APBA1: variants seen among roughly 807,000 people sequenced by gnomAD.
APBA1 encodes amyloid beta precursor protein binding family A member 1, also known as amyloid-beta A4 precursor protein-binding family A member 1.
In APBA1, 55 loss-of-function variants were observed where a neutral mutation model predicts 86.6. That is an observed-to-expected ratio of 0.64 (90% CI 0.51 to 0.80). The LOEUF is 0.80. Ranked by LOEUF, APBA1 falls within the 30% of genes least tolerant of loss-of-function variation. The pLI is 0.00. For missense variants in APBA1, 1,090 were observed against 1,183.0 expected, an observed-to-expected ratio of 0.92 and a Z score of 1.15; for synonymous variants, 511 against 493.9, an observed-to-expected ratio of 1.03 and a Z score of -0.46.
rs745501677 is a variant in APBA1, at chr9:69,467,937, G to A, written c.1368C>T (p.Ile456=). ...AATTGGCGGCAAAAATGATTCCATC[G>A]ATCAAGTCTTCGGGGTCGCAGGGTC... ...VPGPCDPEDL[I]DGIIFAANYL... is the part of the protein sequence containing the mutation. Residue 456 remains isoleucine (I), a synonymous_variant, in exon 5 of 13, where the codon ATC becomes ATT. Transcript: ENST00000265381. The A allele has an allele frequency of 3.1e-5, 50 of 1,614,020 alleles. No homozygotes were observed. Among genetic ancestry groups the A allele is most frequent in the Non-Finnish European group, 3.8e-5 (45 of 1,180,030 alleles).
rs538898787 is a variant in APBA1, at chr9:69,641,948, C to T, written c.-70+30205G>A. ...GCAACTTCCGCCTCCCGGATTCAAC[C>T]GATTCTCCTGCTTCAGCCTCCCAAG... On this transcript the variant is annotated intron_variant, in intron 1 of 12. Transcript: ENST00000265381. Among the ~76,000 whole-genome samples, 542 of 152,254 alleles carry T rather than the reference C, an allele frequency of 3.6e-3. 6 individuals are homozygous for T. The highest frequency in any genetic ancestry group is 0.012 in the African/African-American group (517 of 41,556).
At chr9:69,492,128 G>T (rs1835723449) in intron 2 of APBA1, among the ~76,000 whole-genome samples, 1 of 152,076 alleles carries the variant, frequency 6.6e-6, no homozygotes, top group African/African-American at 2.4e-5. Context: ...TTCAGGATAG[G>T]GAGGTTATTA....
intron 1 of APBA1, among the ~76,000 whole-genome samples, chr9:69,593,844 T>C (rs1220054356): frequency 6.6e-6 from 1 of 152,176 alleles, no homozygotes; most frequent in Non-Finnish European, 1.5e-5. Flanking sequence ...CCCTGAAAGA[T>C]TTGTTATTTG....
chr9:69,568,465 T>A (rs568818799), intron 1 of APBA1, among the ~76,000 whole-genome samples: 11 of 152,334 alleles, frequency 7.2e-5, no homozygotes, highest in Admixed American at 2.0e-4. Flanking sequence ...ACAGCCAGAA[T>A]GCATGCATTA....
chr9:69,493,611 C>T (rs1835749098), intron 2 of APBA1, among the ~76,000 whole-genome samples: 2 of 152,086 alleles, frequency 1.3e-5, no homozygotes, highest in Non-Finnish European at 1.5e-5. Flanking sequence ...TTAATAAGCA[C>T]CACGAAGGCA....
chr9:69,521,571 A>C (rs139404903), intron 1 of APBA1, among the ~76,000 whole-genome samples: 100 of 152,288 alleles, frequency 6.6e-4, no homozygotes, highest in African/African-American at 2.4e-3. Context: ...GGCAGACAAT[A>C]ATTATGTAAG....
At chr9:69,461,856 A>G (rs1835196702) in intron 5 of APBA1, 1 of 152,196 alleles carries the variant, frequency 6.6e-6, no homozygotes, top group Non-Finnish European at 1.5e-5. Flanking sequence ...ATCCATTTTG[A>G]GGAGTAAATG....
chr9:69,609,557 C>CT (rs1409406602), intron 1 of APBA1, among the ~76,000 whole-genome samples: 3 of 152,174 alleles, frequency 2.0e-5, no homozygotes, highest in Non-Finnish European at 4.4e-5. Context: ...ATTCCCATTG[C>CT]AATGCCTAAT....
At position 69,619,605 on chromosome 9, in the gene APBA1, C is replaced by CA. The variant is rs1480362876; in HGVS notation, c.-70+52547dup. 5.3e-5 allele frequency among the ~76,000 whole-genome samples: 8 copies of CA among 152,290 alleles called. No homozygotes were observed. The East Asian group carries it at 9.7e-4, about 18-fold the overall frequency. On this transcript the variant is annotated intron_variant, in intron 1 of 12. Transcript: ENST00000265381. ...TATTACCATTGTCTCAAAGAGCACA[C>CA]AAAAAATCAGTTATTCAGACACAGG... is the stretch of plus-strand genomic sequence containing the variant.
At chr9:69,442,788 T>C (rs1378993755) in intron 10 of APBA1, among the ~76,000 whole-genome samples, 1 of 152,170 alleles carries the variant, frequency 6.6e-6, no homozygotes, top group Admixed American at 6.5e-5. Flanking sequence ...CTACCAAATC[T>C]TTTTCAGTGC....
chr9:69,646,956 T>C (rs949318676), intron 1 of APBA1, among the ~76,000 whole-genome samples: 1 of 152,180 alleles, frequency 6.6e-6, no homozygotes, highest in Admixed American at 6.5e-5. Flanking sequence ...GGCTGCTGAA[T>C]GGATTTTCAA....
chr9:69,633,703 T>C (rs1241045879), intron 1 of APBA1, among the ~76,000 whole-genome samples: 2 of 152,188 alleles, frequency 1.3e-5, no homozygotes, highest in African/African-American at 2.4e-5. Context: ...CAAGTTCAAA[T>C]ACAAGTTTCT....
intron 1 of APBA1, among the ~76,000 whole-genome samples, chr9:69,531,383 T>G (rs1333501822): frequency 6.6e-6 from 1 of 152,220 alleles, no homozygotes; most frequent in African/African-American, 2.4e-5. Context: ...ATTTTCTCTC[T>G]TAAATAATAG....
At chr9:69,666,273 A>G (rs1370184867) in intron 1 of APBA1, among the ~76,000 whole-genome samples, 4 of 152,064 alleles carry the variant, frequency 2.6e-5, no homozygotes, top group Non-Finnish European at 5.9e-5. Context: ...CATTTTTGAT[A>G]TCCTCTCTGC....
At chr9:69,603,272 C>T (rs748981603) in intron 1 of APBA1, among the ~76,000 whole-genome samples, 1 of 152,228 alleles carries the variant, frequency 6.6e-6, no homozygotes, top group Non-Finnish European at 1.5e-5. Flanking sequence ...CAGGTTACAA[C>T]CAAAACTTCT....
At chr9:69,433,998 G>T (rs1450636329) in intron 11 of APBA1, among the ~76,000 whole-genome samples, 3 of 152,126 alleles carry the variant, frequency 2.0e-5, no homozygotes, top group African/African-American at 7.2e-5. Context: ...TTTTAGCAGA[G>T]ACTGGGCTTT....
At chr9:69,465,454 A>C (rs1231593242) in intron 5 of APBA1, 1 of 152,232 alleles carries the variant, frequency 6.6e-6, no homozygotes, top group Non-Finnish European at 1.5e-5. Flanking sequence ...TTTGCCTGAG[A>C]AGCAGCTTGC....
At chr9:69,468,054 C>A (rs10867613) in intron 4 of APBA1, 86 bp from the exon 5 acceptor site, 284,106 of 1,525,554 alleles carry the variant, frequency 0.19, 27,179 homozygotes, top group Admixed American at 0.23. Context: ...CTCTCCCATG[C>A]CTCACTGCTG....
intron 2 of APBA1, among the ~76,000 whole-genome samples, chr9:69,477,276 A>G (rs1169690336): frequency 7.9e-5 from 12 of 151,538 alleles, no homozygotes; most frequent in African/African-American, 2.9e-4. Context: ...ACCGTGCGCC[A>G]GCCGAAGCAG....
Sources: gnomAD v4.1 joint callset for allele counts (sites outside exome capture counted in the v4.1 genomes callset) on GRCh38, gnomAD v4.1.1 for gene constraint, MANE v1.5 for transcripts, NCBI Gene and HGNC (gene_info 2026-07-23, HGNC 2026-07-21) for gene names.